DHX9: variants seen among roughly 807,000 people sequenced by gnomAD.
DHX9 encodes the protein DExH-box helicase 9, also known as ATP-dependent RNA helicase A.
DHX9 carries 27 observed loss-of-function variants against 148.7 expected under a neutral mutation model. The observed-to-expected ratio is 0.18, with a 90% CI of 0.13 to 0.25. DHX9 has a LOEUF of 0.25. Among genes scored for constraint, DHX9 ranks in the 10% least tolerant of loss-of-function variants. The pLI, the probability that DHX9 is intolerant of heterozygous loss-of-function variation, is 1.00. For synonymous variants in DHX9, 529 were observed against 516.6 expected (o/e 1.02, Z -0.33); for missense variants, 796 against 1,559.6 (o/e 0.51, Z 8.25).
chr1:182,862,988 A>G (rs914944626), intron 12 of DHX9, among the ~76,000 whole-genome samples: 4 of 152,290 alleles, frequency 2.6e-5, no homozygotes, highest in African/African-American at 9.6e-5. Context: ...CTATGGCTGG[A>G]CTCCAGGCAA....
chr1:182,866,169 G>A lies in DHX9; in HGVS notation c.1333-275G>A, dbSNP rs548727615. Among the ~76,000 whole-genome samples, 10 of 152,228 alleles carry A rather than the reference G, an allele frequency of 6.6e-5. No individual in the cohort carries two copies. The South Asian group carries it at 1.7e-3, about 25-fold the overall frequency. On this transcript the variant is annotated intron_variant, in intron 12 of 27. Coordinates refer to ENST00000367549, the MANE Select transcript of DHX9 (RefSeq NM_001357.5). ...CGGTTACAAAAACAAACCCCCCTAC[G>A]TATGCTGTGCCCTGTTTCCTACTGG...
chr1:182,886,657 A>G (rs1387325546), intron 27 of DHX9, among the ~76,000 whole-genome samples: 2 of 152,226 alleles, frequency 1.3e-5, no homozygotes, highest in East Asian at 1.9e-4. Context: ...CTTATTTGCC[A>G]CATGAAACAG....
rs767554851 is a variant in DHX9, at chr1:182,881,277, A to G, written c.2638A>G (p.Ile880Val). The part of the protein sequence containing the change: ...MGCIFYVGDA[I>V]CTIAAATCFP... Reference sequence around the variant, plus strand: ...TGTGTATTTCAGCGTGGGAGATGCTATCTGTACCATTGCTGCTGCTACCTG... The same window carrying G: ...TGTGTATTTCAGCGTGGGAGATGCTGTCTGTACCATTGCTGCTGCTACCTG... Residue 880 changes from isoleucine (I) to valine (V), a missense_variant, in exon 23 of 28, where the codon ATC (isoleucine) becomes GTC (valine). Ile to Val is a conservative substitution (Grantham distance 29). This residue lies in a region of DHX9 where 122 missense variants were observed against 289.3 expected (regional missense o/e 0.42). Coordinates refer to ENST00000367549, the MANE Select transcript of DHX9 (RefSeq NM_001357.5). 2.0e-5 allele frequency: 32 copies of G among 1,613,602 alleles called. No individual in the cohort carries two copies. Among genetic ancestry groups the G allele is most frequent in the African/African-American group, 9.3e-5 (7 of 74,878 alleles).
Position 182,856,637 on chromosome 1 carries a change from T to A in DHX9, c.673+59T>A, listed in dbSNP as rs72727044. The stretch of plus-strand genomic sequence containing the variant: ...TCTGTATAGAGAAGGAATCTTCACA[T>A]TTTAAGTCTTGAGTCACGTATACAG... On this transcript the variant is annotated intron_variant, in intron 7 of 27. Transcript: ENST00000367549. 3.9e-3 allele frequency: 5,925 copies of A among 1,507,810 alleles called. 22 individuals carry two copies. Among genetic ancestry groups the A allele is most frequent in the Non-Finnish European group, 4.7e-3 (5,075 of 1,087,452 alleles). 93.4% of individuals were successfully genotyped at this position (1,507,810 alleles called of 1,614,324 possible). A position where few individuals can be genotyped will look rare whatever the true frequency, so the allele number is the denominator to read the frequency against.
chr1:182,860,751 C>T (rs2102602388), intron 12 of DHX9, among the ~76,000 whole-genome samples: 1 of 152,316 alleles, frequency 6.6e-6, no homozygotes, highest in East Asian at 1.9e-4. Context: ...TAGGATTCTT[C>T]CTTTTAACTA....
At chr1:182,851,040 T>G (rs905822219) in intron 3 of DHX9, among the ~76,000 whole-genome samples, 1 of 152,158 alleles carries the variant, frequency 6.6e-6, no homozygotes, top group Non-Finnish European at 1.5e-5. Context: ...GAGGACAAGT[T>G]AGCATTGTGG....
intron 6 of DHX9, among the ~76,000 whole-genome samples, chr1:182,856,060 G>A (rs1014861336): frequency 9.2e-5 from 14 of 152,236 alleles, no homozygotes; most frequent in African/African-American, 3.4e-4. Context: ...TGCACAAAGT[G>A]TATGTGCATG....
intron 3 of DHX9, among the ~76,000 whole-genome samples, 168 bp from the exon 4 acceptor site, chr1:182,852,065 T>C (rs1668160496): frequency 6.6e-6 from 1 of 152,198 alleles, no homozygotes; most frequent in African/African-American, 2.4e-5. Context: ...AGTTCTTCAT[T>C]GCAGACATTT....
chr1:182,867,039 T>C lies in DHX9; in HGVS notation c.1553T>C (p.Ile518Thr). 1 of 1,590,402 alleles carries C rather than the reference T, an allele frequency of 6.3e-7. No homozygotes were observed. The highest frequency in any genetic ancestry group is 8.6e-7 in the Non-Finnish European group (1 of 1,168,992). The change falls in exon 14 of 28, where the codon ATT (isoleucine) becomes ACT (threonine). Residue 518 changes from isoleucine (I) to threonine (T), a missense_variant. Physicochemically the swap from Ile to Thr is moderately conservative, Grantham distance 89 (BLOSUM62 -1). Coordinates refer to ENST00000367549, the MANE Select transcript of DHX9 (RefSeq NM_001357.5). ...VIVDEIHERD[I>T]NTDFLLVVLR... The stretch of plus-strand genomic sequence containing the variant: ...GTAGATGAAATACATGAAAGAGATA[T>C]TAATGTAAGTAACTTGAGAGGTACA...
At position 182,858,095 on chromosome 1, in the gene DHX9, A is replaced by G; in HGVS notation, c.674-9A>G. On this transcript the variant is annotated splice_polypyrimidine_tract_variant and intron_variant, in intron 7 of 27. Coordinates refer to ENST00000367549, the MANE Select transcript of DHX9 (RefSeq NM_001357.5). ...CTTTCTGTCTGATAATCCTGACCTTACATTATAGGGATTTTTGCACGAGAA... is the reference window on the plus strand; with the variant it reads ...CTTTCTGTCTGATAATCCTGACCTTGCATTATAGGGATTTTTGCACGAGAA... The G allele has an allele frequency of 6.2e-7, 1 of 1,609,520 alleles. No homozygotes were observed. The highest frequency in any genetic ancestry group is 8.5e-7 in the Non-Finnish European group (1 of 1,178,902).
chr1:182,851,104 T>C (rs113230513), intron 3 of DHX9, among the ~76,000 whole-genome samples: 131 of 152,286 alleles, frequency 8.6e-4, no homozygotes, highest in African/African-American at 3.1e-3. Context: ...GGGCTGACCC[T>C]TGAATAGGTT....
chr1:182,884,175 G>C (rs1312846194), intron 26 of DHX9, among the ~76,000 whole-genome samples: 1 of 152,138 alleles, frequency 6.6e-6, no homozygotes, highest in Non-Finnish European at 1.5e-5. Context: ...TCTGGAGGCT[G>C]AGGCAGGAGA....
intron 16 of DHX9, chr1:182,875,294 T>C (rs921967712): frequency 5.1e-5 from 22 of 435,508 alleles, no homozygotes; most frequent in African/African-American, 4.1e-4. Context: ...TCTGGGAAAC[T>C]GGTAGAAAGA....
At chr1:182,883,749 C>T (rs1017539315) in intron 26 of DHX9, 114 bp downstream of exon 26, 1 of 602,364 alleles carries the variant, frequency 1.7e-6, no homozygotes, top group Non-Finnish European at 2.7e-6. Flanking sequence ...TAATTATATA[C>T]TATATACTTA....
chr1:182,883,509 T>G lies in DHX9; in HGVS notation c.3145-11T>G. 1 of 1,610,846 alleles carries G rather than the reference T, an allele frequency of 6.2e-7. No homozygotes were observed. The highest frequency in any genetic ancestry group is 8.5e-7 in the Non-Finnish European group (1 of 1,177,154). On this transcript the variant is annotated splice_polypyrimidine_tract_variant and intron_variant, in intron 25 of 27. Transcript: ENST00000367549. Reference sequence around the variant, plus strand: ...TCAACCATTTTGTATTGTCTCTTTCTCCATTTGCAGATTCGAACTCGAGCC... The same window carrying G: ...TCAACCATTTTGTATTGTCTCTTTCGCCATTTGCAGATTCGAACTCGAGCC...
intron 16 of DHX9, 116 bp from the exon 17 acceptor site, chr1:182,875,934 G>A (rs1648744474): frequency 1.3e-6 from 1 of 782,708 alleles, no homozygotes; most frequent in East Asian, 2.6e-5. Context: ...TGTGTGACTA[G>A]TCAACTAGAA....
intron 7 of DHX9, among the ~76,000 whole-genome samples, chr1:182,857,378 G>A (rs2102599529): frequency 6.6e-6 from 1 of 152,272 alleles, no homozygotes; most frequent in East Asian, 1.9e-4. Flanking sequence ...TTTCTATAAG[G>A]ATATGAGTAA....
In DHX9 at chr1:182,887,326, A is replaced by G; in HGVS notation, c.3705A>G (p.Arg1235=). 1 of 1,614,124 alleles carries G rather than the reference A, an allele frequency of 6.2e-7. No individual in the cohort carries two copies. Among genetic ancestry groups the G allele is most frequent in the Middle Eastern group, 1.6e-4 (1 of 6,062 alleles). The change falls in exon 28 of 28, where the codon AGA becomes AGG. Residue 1235 remains arginine (R), a synonymous_variant. Transcript: ENST00000367549. The part of the protein sequence containing the change: ...GFRGNSGGDY[R]GPSGGYRGSG... Reference sequence around the variant, plus strand: ...GAGGCAACTCTGGAGGAGACTACAGAGGGCCTAGTGGAGGCTACAGAGGAT... The same window carrying G: ...GAGGCAACTCTGGAGGAGACTACAGGGGGCCTAGTGGAGGCTACAGAGGAT...
At chr1:182,868,077 A>T (rs1322829686) in intron 14 of DHX9, among the ~76,000 whole-genome samples, 1 of 152,218 alleles carries the variant, frequency 6.6e-6, no homozygotes, top group Non-Finnish European at 1.5e-5. Context: ...AACACAAGAC[A>T]TCACTTCAGA....
Sources: allele counts gnomAD v4.1 joint callset (sites outside exome capture counted in the v4.1 genomes callset), GRCh38; gene constraint gnomAD v4.1.1; regional missense constraint gnomAD v4.1.1; transcripts MANE v1.5; gene names NCBI Gene and HGNC (gene_info 2026-07-23, HGNC 2026-07-21).